Variants in MYO5B observed in about 807,000 individuals in gnomAD.
MYO5B encodes the protein myosin VB, also known as unconventional myosin-Vb.
MYO5B carries 143 observed loss-of-function variants against 229.3 expected under a neutral mutation model. The observed-to-expected ratio is 0.62, with a 90% CI of 0.54 to 0.72. MYO5B has a LOEUF of 0.72. Among genes scored for constraint, MYO5B ranks in the 30% least tolerant of loss-of-function variants. The pLI is 0.00. For missense variants in MYO5B, 2,321 were observed against 2,331.0 expected (o/e 1.00, Z 0.09); for synonymous variants, 918 against 885.2 (o/e 1.04, Z -0.66).
chr18:50,146,944 G>T (rs1049821538), intron 1 of MYO5B, among the ~76,000 whole-genome samples: 1 of 152,138 alleles, frequency 6.6e-6, no homozygotes, highest in African/African-American at 2.4e-5. Context: ...CCCCCTCAGA[G>T]TATTTTTCAC....
chr18:49,919,774 G>A (rs901555444), intron 17 of MYO5B, among the ~76,000 whole-genome samples: 1 of 152,214 alleles, frequency 6.6e-6, no homozygotes. Flanking sequence ...AAGGTCCTCA[G>A]AAGAGGAGAG....
Position 50,040,220 on chromosome 18 carries a change from C to G in MYO5B, c.233G>C (p.Ser78Thr). The change falls in exon 3 of 40, where the codon AGC becomes ACC. Residue 78 changes from serine (S) to threonine (T), a missense_variant. By Grantham distance (58) the Ser-to-Thr change is moderately conservative (BLOSUM62 1). This residue lies in a region of MYO5B where 2,113 missense variants were observed against 2,044.7 expected (regional missense o/e 1.03). Coordinates refer to ENST00000285039, the MANE Select transcript of MYO5B (RefSeq NM_001080467.3). ...CAAAACTGCAGGCTCATGAAGATAG[C>G]TAAGGGCAGTCAGGTCATTTTCTCC... ...LVGENDLTAL[S>T]YLHEPAVLHN... 6.2e-7 allele frequency: 1 copy of G among 1,614,064 alleles called. No homozygotes were observed. Among genetic ancestry groups the G allele is most frequent in the Non-Finnish European group, 8.5e-7 (1 of 1,180,008 alleles).
chr18:50,014,380 G>C (rs2026195069), intron 4 of MYO5B, among the ~76,000 whole-genome samples: 1 of 151,392 alleles, frequency 6.6e-6, no homozygotes, highest in Non-Finnish European at 1.5e-5. Context: ...AAAAGACTTT[G>C]AAAGGGCATT....
intron 35 of MYO5B, chr18:49,839,745 A>T: frequency 4.2e-6 from 1 of 237,636 alleles, no homozygotes; most frequent in Non-Finnish European, 8.4e-6. Flanking sequence ...AGATTCTATC[A>T]CTGGTTATCA....
chr18:49,886,230 C>G (rs74727961), intron 22 of MYO5B, among the ~76,000 whole-genome samples: 1 of 152,122 alleles, frequency 6.6e-6, no homozygotes, highest in Non-Finnish European at 1.5e-5. Flanking sequence ...TATGAGCCAC[C>G]GGCACCTGAC....
intron 17 of MYO5B, among the ~76,000 whole-genome samples, chr18:49,925,491 A>G (rs568054885): frequency 6.6e-6 from 1 of 152,242 alleles, no homozygotes; most frequent in Non-Finnish European, 1.5e-5. Flanking sequence ...GGTCATTCAT[A>G]TTTGGCTCAG....
intron 1 of MYO5B, among the ~76,000 whole-genome samples, chr18:50,153,303 A>G (rs758700777): frequency 6.6e-6 from 1 of 152,218 alleles, no homozygotes; most frequent in Non-Finnish European, 1.5e-5. Context: ...ACTTCAAAAT[A>G]GTGACTTTCA....
intron 2 of MYO5B, 43 bp downstream of exon 2, chr18:50,055,225 G>GGGCCCCCCCCCCCCCCCCC: frequency 2.9e-6 from 2 of 700,372 alleles, no homozygotes; most frequent in East Asian, 2.7e-5. Context: ...TGAGCTCCCT[G>GGGCCCCCCCCCCCCCCCCC]CCCCACCTCA....
chr18:50,102,626 G>A lies in MYO5B; in HGVS notation c.28-47248C>T, dbSNP rs1349261744. On this transcript the variant is annotated intron_variant, in intron 1 of 39. Coordinates refer to ENST00000285039, the MANE Select transcript of MYO5B (RefSeq NM_001080467.3). The stretch of plus-strand genomic sequence containing the variant: ...CTCCAACCCAGTCCTGCACAGCCCA[G>A]AAGAGAGAATCAGAACCTGGCTCTG... Among the ~76,000 whole-genome samples, 10 of 152,212 alleles carry A rather than the reference G, an allele frequency of 6.6e-5. 1 individual carries two copies. The East Asian group carries it at 1.9e-3, about 29-fold the overall frequency.
At chr18:50,134,622 G>T (rs2032308435) in intron 1 of MYO5B, among the ~76,000 whole-genome samples, 1 of 151,990 alleles carries the variant, frequency 6.6e-6, no homozygotes, top group South Asian at 2.1e-4. Context: ...TCAAGGGTTA[G>T]TATTCCAGAG....
intron 10 of MYO5B, among the ~76,000 whole-genome samples, chr18:49,965,067 C>A (rs1462840964): frequency 6.6e-6 from 1 of 152,170 alleles, no homozygotes; most frequent in African/African-American, 2.4e-5. Flanking sequence ...GGAGAGTGTG[C>A]AAGCCTGGAG....
At chr18:50,165,130 A>C (rs2032825396) in intron 1 of MYO5B, among the ~76,000 whole-genome samples, 1 of 152,252 alleles carries the variant, frequency 6.6e-6, no homozygotes, top group African/African-American at 2.4e-5. Flanking sequence ...TTAACTAGTC[A>C]TCAACTCAGG....
At chr18:50,011,549 T>C (rs2026160900) in intron 4 of MYO5B, among the ~76,000 whole-genome samples, 1 of 152,022 alleles carries the variant, frequency 6.6e-6, no homozygotes, top group Non-Finnish European at 1.5e-5. Flanking sequence ...TCCCCACCAA[T>C]CTGTTCCTCA....
chr18:49,955,483 T>G (rs1458802599), intron 12 of MYO5B, among the ~76,000 whole-genome samples: 1 of 152,166 alleles, frequency 6.6e-6, no homozygotes, highest in East Asian at 1.9e-4. Flanking sequence ...AGATTGCATA[T>G]TTGGATCAGG....
At chr18:49,983,491 G>A (rs960104281) in intron 8 of MYO5B, among the ~76,000 whole-genome samples, 5 of 152,140 alleles carry the variant, frequency 3.3e-5, no homozygotes, top group Admixed American at 3.3e-4. Flanking sequence ...CATCCTCTTA[G>A]AAGTGAACTA....
chr18:49,978,245 C>A (rs1339310225), intron 9 of MYO5B, among the ~76,000 whole-genome samples: 1 of 152,190 alleles, frequency 6.6e-6, no homozygotes, highest in African/African-American at 2.4e-5. Context: ...ACTATCTCCA[C>A]ACAAACACTC....
chr18:49,927,947 A>G (rs2025148064), intron 17 of MYO5B, among the ~76,000 whole-genome samples: 1 of 152,272 alleles, frequency 6.6e-6, no homozygotes, highest in South Asian at 2.1e-4. Flanking sequence ...CACCAGAGTA[A>G]ACAGACAACC....
intron 7 of MYO5B, among the ~76,000 whole-genome samples, chr18:49,987,325 C>T (rs1299081271): frequency 1.3e-5 from 2 of 152,132 alleles, no homozygotes; most frequent in Non-Finnish European, 2.9e-5. Flanking sequence ...CCATCAACTC[C>T]GTCATATCAC....
chr18:50,026,679 G>A (rs1259591821), intron 4 of MYO5B, among the ~76,000 whole-genome samples: 2 of 152,178 alleles, frequency 1.3e-5, no homozygotes, highest in Admixed American at 1.3e-4. Context: ...TGGATACTGT[G>A]ACATGATGAG....
Sources: gnomAD v4.1 joint callset for allele counts (sites outside exome capture counted in the v4.1 genomes callset) on GRCh38, gnomAD v4.1.1 for gene constraint, gnomAD v4.1.1 regional missense constraint, MANE v1.5 for transcripts, NCBI Gene and HGNC (gene_info 2026-07-23, HGNC 2026-07-21) for gene names.